Variants in HEPH observed in about 807,000 individuals in gnomAD.
HEPH encodes hephaestin.
In HEPH, 69 loss-of-function variants were observed where a neutral mutation model predicts 80.8. That is an observed-to-expected ratio of 0.85 (90% CI 0.70 to 1.04). The LOEUF is 1.04. Ranked by LOEUF, HEPH falls within the 50% of genes least tolerant of loss-of-function variation. The pLI is 0.00. For missense variants in HEPH, 1,115 were observed against 891.3 expected (o/e 1.25, Z -3.20); for synonymous variants, 431 against 322.8 (o/e 1.34, Z -3.60).
chrX:66,230,894 G>T (rs1364126751), intron 15 of HEPH, among the ~76,000 whole-genome samples: 3 of 99,230 alleles, frequency 3.0e-5, no homozygotes, highest in Non-Finnish European at 6.1e-5. Flanking sequence ...TTCTTCTAGG[G>T]TTTTTATGGT....
rs778050146 is a variant in HEPH at position 66,172,397 on chromosome X, G to A, written c.210G>A (p.Gly70=). The stretch of plus-strand genomic sequence containing the variant: ...TAAAGTCTGACAAGAACCGGATAGG[G>A]GGAACCTACAAGAAGACCATCTATA... ...SFLKSDKNRI[G]GTYKKTIYKE... Residue 70 remains glycine (G), a synonymous_variant, in exon 3 of 21, where the codon GGG becomes GGA. Transcript: ENST00000343002. The A allele has an allele frequency of 1.7e-6, 2 of 1,198,497 alleles. No homozygotes were observed. Among genetic ancestry groups the A allele is most frequent in the Middle Eastern group, 2.3e-4 (1 of 4,319 alleles).
chrX:66,253,524 A>G (rs2091072596), intron 15 of HEPH, among the ~76,000 whole-genome samples: 1 of 112,521 alleles, frequency 8.9e-6, no homozygotes, highest in Non-Finnish European at 1.9e-5. Flanking sequence ...GTGAGAATGC[A>G]AAATGGTGCA....
At chrX:66,217,439 C>T (rs929414353) in intron 15 of HEPH, among the ~76,000 whole-genome samples, 1 of 111,261 alleles carries the variant, frequency 9.0e-6, no homozygotes. Context: ...AACTAAGCTT[C>T]GTAAATGAAG....
At chrX:66,173,973 T>G (rs983702248) in intron 4 of HEPH, among the ~76,000 whole-genome samples, 172 bp downstream of exon 4, 1 of 107,685 alleles carries the variant, frequency 9.3e-6, no homozygotes, top group South Asian at 3.9e-4. Flanking sequence ...TTTTTTTTTT[T>G]GCAATTTCAT....
chrX:66,238,531 T>A (rs2090446925), intron 15 of HEPH, among the ~76,000 whole-genome samples: 1 of 111,214 alleles, frequency 9.0e-6, no homozygotes, highest in East Asian at 2.8e-4. Context: ...CATGACAAAG[T>A]GAGACCCTGT....
At chrX:66,224,682 C>A (rs914355611) in intron 15 of HEPH, among the ~76,000 whole-genome samples, 1 of 112,073 alleles carries the variant, frequency 8.9e-6, no homozygotes, top group Non-Finnish European at 1.9e-5. Context: ...TCTGGATATG[C>A]CCTTGTTTAC....
chrX:66,169,862 C>A (rs745525960), intron 1 of HEPH: 2 of 111,505 alleles, frequency 1.8e-5, no homozygotes, highest in South Asian at 7.6e-4. Flanking sequence ...TTACATTGGC[C>A]TGATTTTGTA....
chrX:66,208,631 CATATATATATATATATATAT>C (rs56924616), intron 15 of HEPH, among the ~76,000 whole-genome samples: 403 of 35,113 alleles, frequency 0.011, 9 homozygotes, highest in Middle Eastern at 0.031. Context: ...TATATACATA[CATATATATATATATATATAT>C]ATATATATAT....
chrX:66,225,416 A>G (rs907676407), intron 15 of HEPH, among the ~76,000 whole-genome samples: 3 of 112,031 alleles, frequency 2.7e-5, no homozygotes, highest in African/African-American at 9.7e-5. Flanking sequence ...AAATCAGAGT[A>G]TCAAGAAATC....
intron 15 of HEPH, among the ~76,000 whole-genome samples, chrX:66,213,747 G>A (rs970753649): frequency 1.4e-4 from 16 of 111,398 alleles, no homozygotes; most frequent in African/African-American, 5.2e-4. Context: ...TAAAGATGAA[G>A]TTACAATAAT....
rs933623353 is a variant in HEPH, at chrX:66,201,178, C to T, written c.2077+426C>T. Among the ~76,000 whole-genome samples, 167 of 109,590 alleles carry T rather than the reference C, an allele frequency of 1.5e-3. 2 individuals are homozygous for T. Among genetic ancestry groups the T allele is most frequent in the Non-Finnish European group, 4.4e-4 (23 of 52,537 alleles). On this transcript the variant is annotated intron_variant, in intron 12 of 20. Transcript: ENST00000343002. ...TCTACAGACTCATTTCTGATCTCTC[C>T]CTCTCTCTTTCTCTTTCTACCCATG... is the stretch of plus-strand genomic sequence containing the variant.
chrX:66,255,133 C>G lies in HEPH; in HGVS notation c.2662C>G (p.Pro888Ala), dbSNP rs1345493245. Residue 888 changes from proline to alanine, a missense_variant, in exon 16 of 21, where the codon CCC becomes GCC. By Grantham distance (27) the Pro-to-Ala change is conservative. This residue lies in a region of HEPH where 716 missense variants were observed against 523.5 expected (regional missense o/e 1.37). Coordinates refer to ENST00000343002, the MANE Select transcript of HEPH (RefSeq NM_001367233.3). ...CTGGATCTATTATTCTGCAGTGGAT[C>G]CCATCAAGGTAAATACAAGATTGGC... is the stretch of plus-strand genomic sequence containing the variant. The part of the protein sequence containing the change: ...VSWIYYSAVD[P>A]IKDMYSGLVG... The G allele has an allele frequency of 1.7e-6, 2 of 1,189,066 alleles. No homozygotes were observed. The highest frequency in any genetic ancestry group is 3.5e-5 in the African/African-American group (2 of 56,432).
intron 15 of HEPH, among the ~76,000 whole-genome samples, chrX:66,230,798 A>G (rs1359247666): frequency 9.8e-6 from 1 of 101,783 alleles, no homozygotes; most frequent in African/African-American, 3.6e-5. Context: ...CCATTTGTCA[A>G]TTTTGTCTTT....
intron 15 of HEPH, among the ~76,000 whole-genome samples, chrX:66,208,703 A>G (rs1187227634): frequency 1.0e-5 from 1 of 95,397 alleles, no homozygotes; most frequent in Non-Finnish European, 2.1e-5. Context: ...AAATAGGAAT[A>G]TAGCCAAAAC....
intron 8 of HEPH, 112 bp downstream of exon 8, chrX:66,193,750 C>G (rs1318152182): frequency 2.1e-6 from 1 of 482,353 alleles, no homozygotes; most frequent in Non-Finnish European, 3.3e-6. Flanking sequence ...CAGCATCTCC[C>G]AAAGTGAGTC....
upstream of HEPH, chrX:66,164,128 G>C: frequency 3.2e-6 from 2 of 619,450 alleles, no homozygotes; most frequent in Non-Finnish European, 3.9e-6. Flanking sequence ...GATAACAGAA[G>C]TACAACCCAC....
At chrX:66,191,734 T>A (rs971633609) in intron 6 of HEPH, among the ~76,000 whole-genome samples, 29 of 112,105 alleles carry the variant, frequency 2.6e-4, no homozygotes, top group African/African-American at 8.7e-4. Context: ...TGGATTTTCC[T>A]ATTCTCTCCT....
intron 4 of HEPH, among the ~76,000 whole-genome samples, chrX:66,186,615 G>T (rs1331938395): frequency 8.9e-6 from 1 of 112,090 alleles, no homozygotes; most frequent in East Asian, 2.8e-4. Flanking sequence ...ACTCCCTAGT[G>T]AGATGAACCC....
intron 20 of HEPH, among the ~76,000 whole-genome samples, chrX:66,264,822 T>TTA (rs932286392): frequency 2.6e-4 from 28 of 105,926 alleles, no homozygotes; most frequent in East Asian, 5.7e-4. Context: ...ATATATATTT[T>TTA]TATATATATT....
Sources: allele counts gnomAD v4.1 joint callset (sites outside exome capture counted in the v4.1 genomes callset), GRCh38; gene constraint gnomAD v4.1.1; regional missense constraint gnomAD v4.1.1; transcripts MANE v1.5; gene names NCBI Gene and HGNC (gene_info 2026-07-23, HGNC 2026-07-21).